PTPN9: variants seen among roughly 807,000 people sequenced by gnomAD.
PTPN9 encodes the protein tyrosine-protein phosphatase non-receptor type 9.
In PTPN9, 26 loss-of-function variants were observed where a neutral mutation model predicts 69.8. That is an observed-to-expected ratio of 0.37 (90% CI 0.27 to 0.52). PTPN9 has a LOEUF of 0.52. Among genes scored for constraint, PTPN9 ranks in the 20% least tolerant of loss-of-function variants. The probability of loss-of-function intolerance (pLI) is 0.91; values close to 1 mark genes in which losing one functional copy is unlikely to be tolerated. For synonymous variants in PTPN9, 274 were observed against 272.5 expected (o/e 1.01, Z -0.05); for missense variants, 549 against 740.3 (o/e 0.74, Z 3.00).
intron 4 of PTPN9, among the ~76,000 whole-genome samples, chr15:75,519,418 G>C (rs1014553244): frequency 3.3e-5 from 5 of 150,490 alleles, no homozygotes; most frequent in African/African-American, 1.2e-4. Flanking sequence ...AAGTTATTTT[G>C]TATCTTACTA....
chr15:75,559,433 T>A (rs1338229035), intron 1 of PTPN9, among the ~76,000 whole-genome samples: 1 of 152,188 alleles, frequency 6.6e-6, no homozygotes, highest in African/African-American at 2.4e-5. Context: ...CTGGGAGGAA[T>A]TCTTCTGCCT....
chr15:75,569,305 G>A (rs1045011791), intron 1 of PTPN9, among the ~76,000 whole-genome samples: 4 of 152,064 alleles, frequency 2.6e-5, no homozygotes, highest in African/African-American at 4.8e-5. Flanking sequence ...TAAAGTTTAA[G>A]TACTCCAAAA....
intron 1 of PTPN9, among the ~76,000 whole-genome samples, chr15:75,539,777 T>C (rs1039503854): frequency 3.9e-5 from 6 of 152,104 alleles, no homozygotes; most frequent in African/African-American, 1.4e-4. Flanking sequence ...GTTCAAGTGA[T>C]TCTTCTGCCT....
In PTPN9 at chr15:75,468,510, C is replaced by A. The variant is rs1380290286; in HGVS notation, c.*259G>T. 1.7e-5 allele frequency: 6 copies of A among 354,514 alleles called. No homozygotes were observed. The highest frequency in any genetic ancestry group is 3.1e-5 in the Non-Finnish European group (6 of 194,162). The allele number at this position is 354,514 out of a possible 1,614,324, so 22.0% of individuals were successfully genotyped here. On this transcript the variant is annotated 3_prime_UTR_variant, in exon 13 of 13. Transcript: ENST00000618819. ...GGACCCTAGCAAAAATCAATAGCCA[C>A]AATTTGGTTTTAATAAGGCACAGTT... is the stretch of plus-strand genomic sequence containing the variant.
Position 75,479,901 on chromosome 15 carries a change from T to G in PTPN9, c.1076A>C (p.Asn359Thr). The change falls in exon 9 of 13, where the codon AAT becomes ACT. Residue 359 changes from asparagine (N) to threonine (T), a missense_variant. By Grantham distance (65) the Asn-to-Thr change is moderately conservative (BLOSUM62 0). Around this residue, in one of 3 missense-constraint regions of PTPN9, gnomAD observed 457 missense variants for 661.9 expected, o/e 0.69. Transcript: ENST00000618819. ...RSGHTQTDYI[N>T]ASFMDGYKQK... ...CTTGTAGCCATCCATGAAACTGGCA[T>G]TGATGTAATCTGTCTAATGATAAAA... 6.2e-7 allele frequency: 1 copy of G among 1,609,626 alleles called. No individual in the cohort carries two copies. Among genetic ancestry groups the G allele is most frequent in the Non-Finnish European group, 8.5e-7 (1 of 1,177,072 alleles).
chr15:75,541,105 A>T (rs1352854269), intron 1 of PTPN9, among the ~76,000 whole-genome samples: 2 of 151,852 alleles, frequency 1.3e-5, no homozygotes, highest in African/African-American at 2.4e-5. Flanking sequence ...AAATAAAAAA[A>T]AAGAGACAGG....
In PTPN9 at chr15:75,479,091, G is replaced by A. The variant is rs188440446; in HGVS notation, c.1129+757C>T. On this transcript the variant is annotated intron_variant, in intron 9 of 12. Transcript: ENST00000618819. Reference sequence around the variant, plus strand: ...TGGGAGGCCGAAGCGGGCAGATCACGAGGTCAGGAGTTCGAGACCAGCCTG... The same window carrying A: ...TGGGAGGCCGAAGCGGGCAGATCACAAGGTCAGGAGTTCGAGACCAGCCTG... Among the ~76,000 whole-genome samples the A allele has an allele frequency of 2.9e-3, 442 of 152,272 alleles. 2 individuals are homozygous for A. The highest frequency in any genetic ancestry group is 0.01 in the African/African-American group (418 of 41,548).
chr15:75,527,993 A>G (rs1189656611), intron 1 of PTPN9, among the ~76,000 whole-genome samples: 2 of 152,248 alleles, frequency 1.3e-5, no homozygotes, highest in Admixed American at 1.3e-4. Flanking sequence ...GGACACAGCA[A>G]AAGAATCAGA....
intron 1 of PTPN9, among the ~76,000 whole-genome samples, chr15:75,560,440 T>C (rs567584316): frequency 6.6e-6 from 1 of 152,304 alleles, no homozygotes; most frequent in Admixed American, 6.5e-5. Context: ...GTGAGGCAAA[T>C]GGTCATTCCC....
At chr15:75,555,058 C>T (rs2075071223) in intron 1 of PTPN9, among the ~76,000 whole-genome samples, 1 of 152,190 alleles carries the variant, frequency 6.6e-6, no homozygotes, top group Non-Finnish European at 1.5e-5. Context: ...TGCAACCATG[C>T]AAATATCCTG....
At chr15:75,503,444 C>T (rs1372909208) in intron 7 of PTPN9, among the ~76,000 whole-genome samples, 30 of 144,278 alleles carry the variant, frequency 2.1e-4, no homozygotes, top group African/African-American at 7.2e-4. Flanking sequence ...GCCCGGCAGC[C>T]GCCCCGTCTG....
intron 1 of PTPN9, among the ~76,000 whole-genome samples, chr15:75,541,576 T>G (rs903110328): frequency 6.6e-6 from 1 of 151,136 alleles, no homozygotes; most frequent in African/African-American, 2.4e-5. Flanking sequence ...CTGGCTAATT[T>G]TTTGTATTTT....
chr15:75,496,780 T>C (rs1277087229), intron 7 of PTPN9, among the ~76,000 whole-genome samples: 1 of 152,130 alleles, frequency 6.6e-6, no homozygotes, highest in Non-Finnish European at 1.5e-5. Context: ...GTGCTGGGAT[T>C]ACAGGCATGA....
At chr15:75,526,446 AATTTTTTTTTTTAGGGAGATTTTG>A (rs1324838430) in intron 2 of PTPN9, among the ~76,000 whole-genome samples, 5 of 151,838 alleles carry the variant, frequency 3.3e-5, no homozygotes, top group Non-Finnish European at 7.4e-5. Flanking sequence ...TTGTTATCCC[AATTTTTTTTTTTAGGGAGATTTTG>A]TATTTCTTTA....
chr15:75,483,798 A>T (rs932815345), intron 8 of PTPN9, among the ~76,000 whole-genome samples: 5 of 152,240 alleles, frequency 3.3e-5, no homozygotes, highest in African/African-American at 9.6e-5. Context: ...TGAAAGCAGG[A>T]TGTTGGCAAA....
At chr15:75,523,059 G>A in intron 4 of PTPN9, 62 bp downstream of exon 4, 1 of 1,588,850 alleles carries the variant, frequency 6.3e-7, no homozygotes, top group Non-Finnish European at 8.6e-7. Context: ...ATTTAATCAA[G>A]TAAAAAACTG....
In PTPN9 at chr15:75,536,007, T is replaced by G. The variant is rs1345121667; in HGVS notation, c.64-8746A>C. ...GAAAACATTGCCTTTTCTTAAAATG[T>G]GATTTTAAAAGAGATAATGCTTTCT... On this transcript the variant is annotated intron_variant, in intron 1 of 12. Transcript: ENST00000618819. Among the ~76,000 whole-genome samples the G allele has an allele frequency of 2.0e-5, 3 of 152,224 alleles. No individual in the cohort carries two copies. In the East Asian group the frequency reaches 5.8e-4, roughly 29 times the overall value.
rs138310273 is a variant in PTPN9 at position 75,542,036 on chromosome 15, AAAAAT to A, written c.64-14780_64-14776del. On this transcript the variant is annotated intron_variant, in intron 1 of 12. Transcript: ENST00000618819. ...TGGTGACAGAGCAAGATGCCATCTC[AAAAAT>A]AAAATAAAATAAAATAAAATAAAAT... is the stretch of plus-strand genomic sequence containing the variant. Among the ~76,000 whole-genome samples the A allele has an allele frequency of 1.9e-3, 291 of 149,814 alleles. 2 individuals are homozygous for A. The highest frequency in any genetic ancestry group is 6.8e-3 in the African/African-American group (273 of 40,108).
chr15:75,538,284 T>C (rs1254445328), intron 1 of PTPN9, among the ~76,000 whole-genome samples: 2 of 152,158 alleles, frequency 1.3e-5, no homozygotes, highest in Admixed American at 6.5e-5. Context: ...CCCCGTAATT[T>C]TTTTCTATTA....
Sources: gnomAD v4.1 joint callset for allele counts (sites outside exome capture counted in the v4.1 genomes callset) on GRCh38, gnomAD v4.1.1 for gene constraint, gnomAD v4.1.1 regional missense constraint, MANE v1.5 for transcripts, NCBI Gene and HGNC (gene_info 2026-07-23, HGNC 2026-07-21) for gene names.